The following CACNA1E variants were observed in gnomAD, a reference collection of about 807,000 sequenced individuals.
CACNA1E encodes the protein calcium voltage-gated channel subunit alpha1 E, also known as voltage-dependent R-type calcium channel subunit alpha-1E.
Under a neutral mutation model 259.2 loss-of-function variants are expected in CACNA1E, and 40 were observed. That is an observed-to-expected ratio of 0.15 (90% CI 0.12 to 0.20). CACNA1E has a LOEUF of 0.20. Among genes scored for constraint, CACNA1E ranks in the 10% least tolerant of loss-of-function variants. The pLI is 1.00. For missense variants in CACNA1E, 1,874 were observed against 3,040.1 expected (o/e 0.62, Z 9.02); for synonymous variants, 1,104 against 1,138.5 (o/e 0.97, Z 0.61).
chr1:181,516,343 C>CCACACACA lies in CACNA1E; in HGVS notation c.512+4868_512+4875dup, dbSNP rs3080529. Among the ~76,000 whole-genome samples, 794 of 143,424 alleles carry CCACACACA rather than the reference C, an allele frequency of 5.5e-3. 4 individuals carry two copies. Among genetic ancestry groups the CCACACACA allele is most frequent in the African/African-American group, 0.017 (669 of 38,540 alleles). The allele number at this position is 143,424 out of a possible 152,430, so 94.1% of individuals were successfully genotyped here. A position where few individuals can be genotyped will look rare whatever the true frequency, so the allele number is the denominator to read the frequency against. Reference sequence around the variant, plus strand: ...CATTTATTGAACCATGTGCCAAAGACCACACACACACACACACACACACAC... The same window carrying CCACACACA: ...CATTTATTGAACCATGTGCCAAAGACCACACACACACACACACACACACACACACACAC... On this transcript the variant is annotated intron_variant, in intron 3 of 47. Coordinates refer to ENST00000367573, the MANE Select transcript of CACNA1E (RefSeq NM_001205293.3).
chr1:181,428,634 G>A (rs1659482746), intron 2 of CACNA1E, among the ~76,000 whole-genome samples: 1 of 152,092 alleles, frequency 6.6e-6, no homozygotes, highest in Non-Finnish European at 1.5e-5. Flanking sequence ...CCCCAGTGGT[G>A]GGTTTGTGAT....
At chr1:181,760,623 C>T (rs1658501227) in intron 32 of CACNA1E, among the ~76,000 whole-genome samples, 1 of 152,182 alleles carries the variant, frequency 6.6e-6, no homozygotes, top group Admixed American at 6.5e-5. Flanking sequence ...GTACCAAATG[C>T]TTTACATATT....
At chr1:181,351,340 A>G (rs2102672435) in intron 1 of CACNA1E, among the ~76,000 whole-genome samples, 1 of 152,244 alleles carries the variant, frequency 6.6e-6, no homozygotes, top group African/African-American at 2.4e-5. Flanking sequence ...TGAGTGTATC[A>G]CGGAATATGG....
chr1:181,563,924 G>A (rs544455975), intron 3 of CACNA1E, among the ~76,000 whole-genome samples: 121 of 152,320 alleles, frequency 7.9e-4, no homozygotes, highest in Non-Finnish European at 1.3e-3. Flanking sequence ...TACATATAGT[G>A]TAGTCTATTA....
intron 3 of CACNA1E, among the ~76,000 whole-genome samples, chr1:181,528,142 C>T (rs1015215373): frequency 7.0e-5 from 9 of 128,026 alleles, no homozygotes; most frequent in Non-Finnish European, 1.1e-4. Flanking sequence ...GGGAGGGGCC[C>T]GGGGTGGGGG....
chr1:181,436,040 A>C (rs1312222248), intron 2 of CACNA1E, among the ~76,000 whole-genome samples: 2 of 152,254 alleles, frequency 1.3e-5, no homozygotes, highest in Non-Finnish European at 2.9e-5. Context: ...AAATAACCCT[A>C]TTAAAAAATG....
chr1:181,326,071 G>T (rs1038103561), intron 1 of CACNA1E, among the ~76,000 whole-genome samples: 28 of 152,212 alleles, frequency 1.8e-4, no homozygotes, highest in Admixed American at 1.8e-3. Context: ...CACCCAGGCC[G>T]CTGCCAATCC....
At chr1:181,761,711 AT>A (rs1424305213) in intron 32 of CACNA1E, among the ~76,000 whole-genome samples, 9 of 152,122 alleles carry the variant, frequency 5.9e-5, no homozygotes, top group Non-Finnish European at 2.9e-5. Context: ...AGGCAAGTGA[AT>A]TGTTTTTGAG....
At position 181,476,510 on chromosome 1, in the gene CACNA1E, T is replaced by G. The variant is rs57648170; in HGVS notation, c.435-7234T>G. Among the ~76,000 whole-genome samples, 195 of 152,308 alleles carry G rather than the reference T, an allele frequency of 1.3e-3. 1 individual carries two copies. The highest frequency in any genetic ancestry group is 4.6e-3 in the African/African-American group (191 of 41,568). On this transcript the variant is annotated intron_variant, in intron 2 of 11. Transcript: ENST00000524607. ...AGCTGTGAGCTGCATTTTCTGTTAC[T>G]GCGGCATTATCTTCAAGAGTGAAAT...
Position 181,455,710 on chromosome 1 carries a change from T to G in CACNA1E, c.435-28034T>G, listed in dbSNP as rs140601204. On this transcript the variant is annotated intron_variant, in intron 2 of 11. Transcript: ENST00000524607. ...AGCATCTGATGCTCAGTAACTCAGCTCCAGTTCTGACTTCTTTTTTTTCAT... is the reference window on the plus strand; with the variant it reads ...AGCATCTGATGCTCAGTAACTCAGCGCCAGTTCTGACTTCTTTTTTTTCAT... Among the ~76,000 whole-genome samples the G allele has an allele frequency of 2.6e-3, 400 of 152,304 alleles. 4 individuals carry two copies. Among genetic ancestry groups the G allele is most frequent in the African/African-American group, 8.8e-3 (367 of 41,570 alleles).
intron 1 of CACNA1E, among the ~76,000 whole-genome samples, chr1:181,399,409 G>C (rs181171040): frequency 6.6e-6 from 1 of 152,236 alleles, no homozygotes; most frequent in Admixed American, 6.5e-5. Context: ...GATTGTCCCA[G>C]GTGGCCACAG....
At chr1:181,733,389 T>C (rs1005704413) in intron 20 of CACNA1E, 48 bp from the exon 21 acceptor site, 8 of 1,441,188 alleles carry the variant, frequency 5.6e-6, no homozygotes, top group Non-Finnish European at 7.4e-6. Flanking sequence ...CACCTGCCAT[T>C]TGGGGACAGC....
chr1:181,510,430 G>A, intron 1 of CACNA1E, 47 bp from the exon 2 acceptor site: 2 of 1,284,830 alleles, frequency 1.6e-6, no homozygotes, highest in Non-Finnish European at 2.3e-6. Flanking sequence ...CATCTTGGAG[G>A]CTGTGTCCCT....
intron 2 of CACNA1E, among the ~76,000 whole-genome samples, chr1:181,441,304 A>G (rs1323564993): frequency 6.6e-6 from 1 of 152,156 alleles, no homozygotes; most frequent in African/African-American, 2.4e-5. Context: ...AGCGCCTGCC[A>G]CCACACCCAG....
intron 8 of CACNA1E, among the ~76,000 whole-genome samples, chr1:181,714,505 T>TA (rs1158814490): frequency 6.6e-6 from 1 of 152,112 alleles, no homozygotes; most frequent in Admixed American, 6.5e-5. Context: ...CATTGGCAAT[T>TA]AAACTAATCT....
chr1:181,675,541 G>T (rs987950519), intron 7 of CACNA1E, among the ~76,000 whole-genome samples: 7 of 152,116 alleles, frequency 4.6e-5, no homozygotes, highest in African/African-American at 7.2e-5. Context: ...AAGAGGAGGA[G>T]AAATAAACTT....
chr1:181,377,363 G>C (rs1185757060), intron 1 of CACNA1E, among the ~76,000 whole-genome samples: 2 of 152,164 alleles, frequency 1.3e-5, no homozygotes, highest in African/African-American at 4.8e-5. Context: ...TAAGAATAAA[G>C]ACCTGTTTGG....
intron 3 of CACNA1E, among the ~76,000 whole-genome samples, chr1:181,556,301 A>G (rs1431825000): frequency 1.3e-5 from 2 of 152,142 alleles, no homozygotes; most frequent in African/African-American, 2.4e-5. Context: ...AATACTGCTG[A>G]CCCCAGGACA....
At chr1:181,596,181 A>G (rs1477074297) in intron 6 of CACNA1E, among the ~76,000 whole-genome samples, 2 of 152,222 alleles carry the variant, frequency 1.3e-5, no homozygotes, top group Non-Finnish European at 2.9e-5. Context: ...AGTGGAAGGC[A>G]TGGTGTGCTG....
Sources: gnomAD v4.1 joint callset for allele counts (sites outside exome capture counted in the v4.1 genomes callset) on GRCh38, gnomAD v4.1.1 for gene constraint, MANE v1.5 for transcripts, NCBI Gene and HGNC (gene_info 2026-07-23, HGNC 2026-07-21) for gene names.